CDC16: variants seen among roughly 807,000 people sequenced by gnomAD.
CDC16 encodes cell division cycle 16, also known as cell division cycle protein 16 homolog.
Under a neutral mutation model 87.0 loss-of-function variants are expected in CDC16, and 34 were observed. The observed-to-expected ratio is 0.39, with a 90% CI of 0.30 to 0.52. CDC16 has a LOEUF of 0.52. CDC16 is among the 20% of genes least tolerant of loss of function. CDC16 has a pLI of 0.74. For synonymous variants in CDC16, 263 were observed against 260.6 expected (o/e 1.01, Z -0.09); for missense variants, 653 against 751.9 (o/e 0.87, Z 1.54).
chr13:114,263,147 C>A, intron 16 of CDC16, 133 bp downstream of exon 16: 2 of 748,150 alleles, frequency 2.7e-6, no homozygotes, highest in Non-Finnish European at 4.4e-6. Flanking sequence ...TTATTCTTTT[C>A]TTTGCAGAGA....
At position 114,239,091 on chromosome 13, in the gene CDC16, A is replaced by T. The variant is rs17337842; in HGVS notation, c.240+63A>T. 19,341 of 916,054 alleles carry T rather than the reference A, an allele frequency of 0.021. 1,145 individuals carry two copies. The African/African-American group carries it at 0.27, about 13-fold the overall frequency. The allele number at this position is 916,054 out of a possible 1,614,324, so 56.7% of individuals were successfully genotyped here. On this transcript the variant is annotated intron_variant, in intron 4 of 17. Coordinates refer to ENST00000356221, the MANE Select transcript of CDC16 (RefSeq NM_001078645.3). ...TAAAATGAGTGTTATGCATCTCTTAAATATGTGTGAGAATTTTAGTGATGG... is the reference window on the plus strand; with the variant it reads ...TAAAATGAGTGTTATGCATCTCTTATATATGTGTGAGAATTTTAGTGATGG...
intron 17 of CDC16, among the ~76,000 whole-genome samples, chr13:114,270,680 T>G (rs2083561144): frequency 6.6e-6 from 1 of 152,148 alleles, no homozygotes; most frequent in South Asian, 2.1e-4. Context: ...GGATTCACAC[T>G]TGACTCTTGG....
At chr13:114,251,434 TAGAA>T (rs898006607) in intron 12 of CDC16, among the ~76,000 whole-genome samples, 2 of 152,238 alleles carry the variant, frequency 1.3e-5, no homozygotes, top group African/African-American at 2.4e-5. Context: ...GTCTTACACA[TAGAA>T]AGCACTCAGT....
At chr13:114,259,903 AC>A (rs1452386760) in intron 14 of CDC16, among the ~76,000 whole-genome samples, 1 of 152,160 alleles carries the variant, frequency 6.6e-6, no homozygotes, top group Admixed American at 6.5e-5. Context: ...AAAATATTTG[AC>A]TGCTTCTGTT....
At position 114,271,173 on chromosome 13, in the gene CDC16, G is replaced by A. The variant is rs556423035; in HGVS notation, c.1604-1011G>A. On this transcript the variant is annotated intron_variant, in intron 17 of 17. Transcript: ENST00000356221. ...CCTGACCTCGTGATCCACCCGCCTC[G>A]GCCTCCCAAAGTGCTGGGATTACAG... Among the ~76,000 whole-genome samples, 352 of 151,886 alleles carry A rather than the reference G, an allele frequency of 2.3e-3. 1 individual carries two copies. Among genetic ancestry groups the A allele is most frequent in the African/African-American group, 8.3e-3 (343 of 41,448 alleles).
At chr13:114,241,028 T>A (rs1408602493) in intron 5 of CDC16, among the ~76,000 whole-genome samples, 1 of 152,232 alleles carries the variant, frequency 6.6e-6, no homozygotes, top group Non-Finnish European at 1.5e-5. Context: ...TGAATCTTCT[T>A]CATATCCTTA....
intron 13 of CDC16, 65 bp downstream of exon 13, chr13:114,257,295 T>C: frequency 9.3e-7 from 1 of 1,073,694 alleles, no homozygotes; most frequent in East Asian, 2.8e-5. Flanking sequence ...AGGTGATCAC[T>C]AGAGTTCACT....
chr13:114,247,558 A>G (rs17291250), intron 11 of CDC16, among the ~76,000 whole-genome samples: 47,245 of 151,890 alleles, frequency 0.31, 8,953 homozygotes, highest in African/African-American at 0.53. Context: ...CCCTATTCTC[A>G]GGGAACCTAC....
intron 13 of CDC16, among the ~76,000 whole-genome samples, chr13:114,258,569 G>T (rs981558517): frequency 2.6e-5 from 4 of 152,138 alleles, no homozygotes; most frequent in Non-Finnish European, 5.9e-5. Context: ...TATTAGAGAA[G>T]CTTCATTCAA....
At chr13:114,260,465 C>A (rs150964280) in intron 14 of CDC16, among the ~76,000 whole-genome samples, 6 of 152,296 alleles carry the variant, frequency 3.9e-5, no homozygotes, top group African/African-American at 7.2e-5. Flanking sequence ...TAGAAGCCTG[C>A]TAGAAGTGCA....
chr13:114,246,834 A>G, intron 10 of CDC16, 97 bp from the exon 11 acceptor site: 1 of 774,480 alleles, frequency 1.3e-6, no homozygotes, highest in Non-Finnish European at 2.3e-6. Context: ...GTGATAAGGA[A>G]CATGTAGTAT....
rs17291480 is a variant in CDC16, at chr13:114,262,748, A to G, written c.1377-131A>G. 5,600 of 838,338 alleles carry G rather than the reference A, an allele frequency of 6.7e-3. 218 individuals are homozygous for G. The African/African-American group carries it at 0.085, about 13-fold the overall frequency. 51.9% of individuals were successfully genotyped at this position (838,338 alleles called of 1,614,324 possible). Reference sequence around the variant, plus strand: ...GAGATGCATGAGAGTAGGTGTGGAGAACATTCACCAGTCTAGACTGCTGTT... The same window carrying G: ...GAGATGCATGAGAGTAGGTGTGGAGGACATTCACCAGTCTAGACTGCTGTT... On this transcript the variant is annotated intron_variant, in intron 15 of 17. Coordinates refer to ENST00000356221, the MANE Select transcript of CDC16 (RefSeq NM_001078645.3).
At position 114,239,119 on chromosome 13, in the gene CDC16, C is replaced by T. The variant is rs562529595; in HGVS notation, c.240+91C>T. 9.2e-6 allele frequency: 14 copies of T among 1,524,612 alleles called. 1 individual carries two copies. The African/African-American group carries it at 1.1e-4, about 12-fold the overall frequency. 94.4% of individuals were successfully genotyped at this position (1,524,612 alleles called of 1,614,324 possible). A position where few individuals can be genotyped will look rare whatever the true frequency, so the allele number is the denominator to read the frequency against. On this transcript the variant is annotated intron_variant, in intron 4 of 17. Transcript: ENST00000356221. ...ATGTGTGAGAATTTTAGTGATGGAG[C>T]TTAGCAGGTTAGTAAAGTATTTCAT...
In CDC16 at chr13:114,239,345, C is replaced by G. The variant is rs188294297; in HGVS notation, c.241-5C>G. 1 of 1,594,564 alleles carries G rather than the reference C, an allele frequency of 6.3e-7. No homozygotes were observed. On this transcript the variant is annotated splice_polypyrimidine_tract_variant and splice_region_variant and intron_variant, in intron 4 of 17. Transcript: ENST00000356221. ...TGATGAGCGGCACTTCTGTTTTCCA[C>G]GTAGTATGCTGCAAAAGAGCACCAG...
intron 3 of CDC16, among the ~76,000 whole-genome samples, chr13:114,238,323 C>T: frequency 6.8e-6 from 1 of 146,730 alleles, no homozygotes; most frequent in Non-Finnish European, 1.5e-5. Context: ...ACACTCAGGG[C>T]CTGAAGTGGA....
chr13:114,236,767 C>T (rs1566629666), intron 2 of CDC16, 32 bp from the exon 3 acceptor site: 13 of 1,612,076 alleles, frequency 8.1e-6, no homozygotes, highest in Non-Finnish European at 1.0e-5. Flanking sequence ...CACCTTGTAC[C>T]TCTGACCACT....
intron 13 of CDC16, among the ~76,000 whole-genome samples, chr13:114,258,860 G>A (rs941811789): frequency 6.6e-6 from 1 of 152,114 alleles, no homozygotes; most frequent in Non-Finnish European, 1.5e-5. Context: ...CACTTTGGGA[G>A]GCCGAGATGG....
chr13:114,261,315 G>T (rs188134190), intron 14 of CDC16, among the ~76,000 whole-genome samples: 1 of 152,190 alleles, frequency 6.6e-6, no homozygotes, highest in Admixed American at 6.5e-5. Flanking sequence ...GAAACAACCC[G>T]GTCAGACTTT....
rs767945306 is a variant in CDC16, at chr13:114,239,041, A to G, written c.240+13A>G. ...AGCTAGGTGCCATGTAAGTATGCTCATAATTTCATTTTTATTTGGTTGAAT... is the reference window on the plus strand; with the variant it reads ...AGCTAGGTGCCATGTAAGTATGCTCGTAATTTCATTTTTATTTGGTTGAAT... On this transcript the variant is annotated intron_variant, in intron 4 of 17. Transcript: ENST00000356221. 3 of 1,591,966 alleles carry G rather than the reference A, an allele frequency of 1.9e-6. No individual in the cohort carries two copies. Among genetic ancestry groups the G allele is most frequent in the Non-Finnish European group, 2.6e-6 (3 of 1,174,072 alleles).
Sources: gnomAD v4.1 joint callset for allele counts (sites outside exome capture counted in the v4.1 genomes callset) on GRCh38, gnomAD v4.1.1 for gene constraint, MANE v1.5 for transcripts, NCBI Gene and HGNC (gene_info 2026-07-23, HGNC 2026-07-21) for gene names.